Variants in TMPRSS9 observed in about 807,000 individuals in gnomAD.
TMPRSS9 encodes the protein transmembrane serine protease 9.
In TMPRSS9, 113 loss-of-function variants were observed where a neutral mutation model predicts 111.4. The ratio of observed to expected loss-of-function variants is 1.01; its 90% confidence interval spans 0.87 to 1.19. The LOEUF is 1.19. TMPRSS9 is among the 50% of genes most tolerant of loss of function. TMPRSS9 has a pLI of 0.00. For missense variants in TMPRSS9, 1,803 were observed against 1,513.1 expected, an observed-to-expected ratio of 1.19 and a Z score of -3.18; for synonymous variants, 805 against 659.1, an observed-to-expected ratio of 1.22 and a Z score of -3.39.
Position 2,398,817 on chromosome 19 carries a change from C to CAA in TMPRSS9, c.294_295insAA (p.Glu99LysfsTer3), listed in dbSNP as rs1284938849. ...CAGTTTGTAAGTAGTTTTCAGAAGA[C>CAA]AGAGTTAGAGGCAAGCTGCGTGGGT... On this transcript the variant is annotated frameshift_variant, in exon 3 of 18. Transcript: ENST00000648592. LOFTEE classifies it high-confidence loss of function. The CAA allele has an allele frequency of 4.0e-6, 6 of 1,488,386 alleles. No individual in the cohort carries two copies. Among genetic ancestry groups the CAA allele is most frequent in the Admixed American group, 4.1e-5 (2 of 49,368 alleles). 92.2% of individuals were successfully genotyped at this position (1,488,386 alleles called of 1,614,324 possible). A position where few individuals can be genotyped will look rare whatever the true frequency, so the allele number is the denominator to read the frequency against.
At chr19:2,413,649 T>G (rs1971146544) in intron 9 of TMPRSS9, 51 bp from the exon 11 acceptor site, 2 of 1,555,742 alleles carry the variant, frequency 1.3e-6, no homozygotes, top group Non-Finnish European at 1.7e-6. Context: ...AGCACTGGTG[T>G]CTGGACTGGC....
chr19:2,417,004 G>A (rs1235994822), intron 12 of TMPRSS9, among the ~76,000 whole-genome samples, 195 bp downstream of exon 13: 5 of 152,278 alleles, frequency 3.3e-5, no homozygotes, highest in African/African-American at 1.2e-4. Context: ...GGCAAAATCT[G>A]GCTGTTGCCT....
At chr19:2,391,132 G>C (rs1046458541) in intron 1 of TMPRSS9, among the ~76,000 whole-genome samples, 3 of 150,708 alleles carry the variant, frequency 2.0e-5, no homozygotes, top group Admixed American at 6.6e-5. Flanking sequence ...AGCTACTTGG[G>C]AGGCTGAGGC....
chr19:2,362,275 T>G (rs1970206656), intron 1 of TMPRSS9, among the ~76,000 whole-genome samples: 1 of 152,086 alleles, frequency 6.6e-6, no homozygotes, highest in Non-Finnish European at 1.5e-5. Context: ...TGTATAGTTG[T>G]GTGGTCATGT....
intron 7 of TMPRSS9, 44 bp from the exon 9 acceptor site, chr19:2,408,312 G>T: frequency 6.3e-7 from 1 of 1,595,666 alleles, no homozygotes; most frequent in Non-Finnish European, 8.6e-7. Context: ...TCCCCCGACG[G>T]CTCTGACCCT....
intron 17 of TMPRSS9, 74 bp downstream of exon 18, chr19:2,425,567 GCCCA>G (rs1971602142): frequency 7.0e-7 from 1 of 1,425,138 alleles, no homozygotes; most frequent in Admixed American, 2.8e-5. Flanking sequence ...CTGCCACGAA[GCCCA>G]CCATCCGGGA....
intron 13 of TMPRSS9, among the ~76,000 whole-genome samples, 194 bp from the exon 15 acceptor site, chr19:2,421,660 C>CA (rs1361562896): frequency 2.0e-5 from 3 of 152,128 alleles, no homozygotes; most frequent in East Asian, 1.9e-4. Context: ...GATGGAAACT[C>CA]AGAGAGGAGA....
At chr19:2,372,991 CT>C (rs978435516) in intron 1 of TMPRSS9, among the ~76,000 whole-genome samples, 10 of 152,010 alleles carry the variant, frequency 6.6e-5, no homozygotes, top group African/African-American at 2.4e-4. Context: ...ACCACCACCC[CT>C]GGCTAATTAT....
intron 7 of TMPRSS9, among the ~76,000 whole-genome samples, chr19:2,406,740 T>C (rs1225732026): frequency 6.6e-6 from 1 of 152,024 alleles, no homozygotes; most frequent in African/African-American, 2.4e-5. Flanking sequence ...TGTTGATGTT[T>C]TGCTCATTGT....
rs141535327 is a variant in TMPRSS9 at position 2,422,411 on chromosome 19, C to G, written c.2548+164C>G. On this transcript the variant is annotated intron_variant, in intron 14 of 17. Transcript: ENST00000648592. ...TGGCGAACACGGTGAAACCTTGTCT[C>G]TACTAAAAAAATACAAAAAATTAGC... is the stretch of plus-strand genomic sequence containing the variant. Among the ~76,000 whole-genome samples, 436 of 152,108 alleles carry G rather than the reference C, an allele frequency of 2.9e-3. 1 individual carries two copies. Among genetic ancestry groups the G allele is most frequent in the African/African-American group, 0.01 (416 of 41,488 alleles).
exon 16 of TMPRSS9, chr19:2,425,019 A>G (rs1971574870): frequency 6.5e-7 from 1 of 1,539,968 alleles, no homozygotes; most frequent in Non-Finnish European, 8.7e-7. Context: ...GACCCCAAGC[A>G]GTGGGCGGCC....
intron 10 of TMPRSS9, 86 bp from the exon 12 acceptor site, chr19:2,415,584 C>T (rs1971211314): frequency 7.8e-7 from 1 of 1,284,666 alleles, no homozygotes; most frequent in Non-Finnish European, 1.0e-6. Flanking sequence ...GGCCTGGCTG[C>T]AACCGGTGTC....
chr19:2,418,213 G>C lies in TMPRSS9; in HGVS notation c.2154+75G>C, dbSNP rs951592222. 13 of 1,450,760 alleles carry C rather than the reference G, an allele frequency of 9.0e-6. 1 individual carries two copies. The highest frequency in any genetic ancestry group is 1.6e-5 in the African/African-American group (1 of 63,640). The allele number at this position is 1,450,760 out of a possible 1,614,324, so 89.9% of individuals were successfully genotyped here. ...AGCCGTTCACCCAGCAGTTCTTTGT[G>C]TGCAGACCTAGATTTTTTTCCTTTC... On this transcript the variant is annotated intron_variant, in intron 13 of 17. Coordinates refer to ENST00000648592, the Ensembl canonical transcript of TMPRSS9.
At chr19:2,414,689 A>T (rs141251517) in intron 10 of TMPRSS9, among the ~76,000 whole-genome samples, 5,228 of 151,502 alleles carry the variant, frequency 0.035, 125 homozygotes, top group Non-Finnish European at 0.049. Flanking sequence ...AGCCTGGCCA[A>T]CATGGCAAAA....
exon 13 of TMPRSS9, chr19:2,418,033 C>T (rs11084939): frequency 0.067 from 108,378 of 1,612,080 alleles, 6,988 homozygotes; most frequent in East Asian, 0.38. Flanking sequence ...AGAAGGCGTC[C>T]GTGGGCATCA....
At chr19:2,424,299 G>C (rs1186776269) in intron 15 of TMPRSS9, 42 bp downstream of exon 16, 1 of 1,313,644 alleles carries the variant, frequency 7.6e-7, no homozygotes, top group Non-Finnish European at 9.8e-7. Flanking sequence ...TGTCTCTGTA[G>C]CTCACCCGGA....
intron 1 of TMPRSS9, among the ~76,000 whole-genome samples, chr19:2,369,817 G>C (rs1231911259): frequency 6.6e-6 from 1 of 151,926 alleles, no homozygotes; most frequent in Admixed American, 6.6e-5. Flanking sequence ...TGGTTTCTGT[G>C]GGTTGGGTGG....
chr19:2,421,959 G>A (rs1053726690), exon 14 of TMPRSS9: 24 of 1,613,100 alleles, frequency 1.5e-5, no homozygotes, highest in Admixed American at 6.7e-5. Context: ...GAAGCCGGGC[G>A]TGTACACGCG....
chr19:2,379,625 CTTTCTTTCTTTCTTT>C (rs1970367623), intron 1 of TMPRSS9, among the ~76,000 whole-genome samples: 3 of 139,872 alleles, frequency 2.1e-5, no homozygotes, highest in African/African-American at 8.3e-5. Context: ...CTCTTTCTTT[CTTTCTTTCTTTCTTT>C]CTTTCTTTCT....
Sources: allele counts gnomAD v4.1 joint callset (sites outside exome capture counted in the v4.1 genomes callset), GRCh38; gene constraint gnomAD v4.1.1; transcripts MANE v1.5; gene names NCBI Gene and HGNC (gene_info 2026-07-23, HGNC 2026-07-21).